The following EPB41L4A variants were observed in gnomAD, a reference collection of about 807,000 sequenced individuals.
EPB41L4A encodes band 4.1-like protein 4A.
In EPB41L4A, 100 loss-of-function variants were observed where a neutral mutation model predicts 108.6. The observed-to-expected ratio is 0.92, with a 90% CI of 0.78 to 1.09. The LOEUF (loss-of-function observed/expected upper bound fraction) is 1.09. Ranked by LOEUF, EPB41L4A falls within the 50% of genes least tolerant of loss-of-function variation. The pLI is 0.00. For synonymous variants in EPB41L4A, 319 were observed against 289.0 expected (o/e 1.10, Z -1.05); for missense variants, 1,030 against 842.7 (o/e 1.22, Z -2.75).
chr5:112,174,967 A>G (rs1441413594), intron 18 of EPB41L4A, among the ~76,000 whole-genome samples: 1 of 152,124 alleles, frequency 6.6e-6, no homozygotes, highest in Non-Finnish European at 1.5e-5. Flanking sequence ...CCTCCAAATC[A>G]AAGAAGCCTT....
At chr5:112,245,998 T>TTA (rs1252378507) in intron 9 of EPB41L4A, among the ~76,000 whole-genome samples, 7 of 152,072 alleles carry the variant, frequency 4.6e-5, no homozygotes, top group Admixed American at 1.3e-4. Context: ...GGGATAGGGA[T>TTA]TATACAATTA....
At chr5:112,397,585 T>C (rs1408074663) in intron 1 of EPB41L4A, among the ~76,000 whole-genome samples, 1 of 152,086 alleles carries the variant, frequency 6.6e-6, no homozygotes, top group Non-Finnish European at 1.5e-5. Context: ...ACATAACCCA[T>C]ACACATGAAA....
At chr5:112,186,130 C>G (rs1365313717) in intron 17 of EPB41L4A, among the ~76,000 whole-genome samples, 1 of 152,202 alleles carries the variant, frequency 6.6e-6, no homozygotes, top group Non-Finnish European at 1.5e-5. Flanking sequence ...TAGGATGCAG[C>G]TTTCATTCTG....
rs1753525299 is a variant in EPB41L4A at position 112,289,695 on chromosome 5, C to T, written c.205-9372G>A. The stretch of plus-strand genomic sequence containing the variant: ...CCCCAGTTGAAGCCCCAGCCAATGC[C>T]AACATCAACCAGCACACACATGACT... On this transcript the variant is annotated intron_variant, in intron 2 of 22. Transcript: ENST00000261486. Among the ~76,000 whole-genome samples, 3 of 152,168 alleles carry T rather than the reference C, an allele frequency of 2.0e-5. No individual in the cohort carries two copies. In the South Asian group the frequency reaches 6.2e-4, roughly 32 times the overall value.
At chr5:112,363,754 TAC>T (rs1758935818) in intron 1 of EPB41L4A, 1 of 152,166 alleles carries the variant, frequency 6.6e-6, no homozygotes, top group African/African-American at 2.4e-5. Context: ...ATATTAAGTT[TAC>T]AGTTTAAGAT....
At chr5:112,326,521 T>C (rs983278782) in intron 1 of EPB41L4A, among the ~76,000 whole-genome samples, 5 of 152,196 alleles carry the variant, frequency 3.3e-5, no homozygotes, top group East Asian at 1.9e-4. Flanking sequence ...AAAGGAAAGA[T>C]TGCTATTAGA....
chr5:112,250,011 AG>A (rs1750541878), intron 9 of EPB41L4A, among the ~76,000 whole-genome samples: 1 of 133,940 alleles, frequency 7.5e-6, no homozygotes, highest in Non-Finnish European at 1.7e-5. Flanking sequence ...CTCTACATAT[AG>A]ATACACACAC....
chr5:112,194,821 T>C (rs1646295530), intron 16 of EPB41L4A, among the ~76,000 whole-genome samples, 176 bp from the exon 17 acceptor site: 1 of 152,198 alleles, frequency 6.6e-6, no homozygotes, highest in African/African-American at 2.4e-5. Flanking sequence ...GTAAGACATC[T>C]GACTGAGTCT....
chr5:112,150,688 C>T (rs998303718), intron 12 of EPB41L4A, among the ~76,000 whole-genome samples: 3 of 152,134 alleles, frequency 2.0e-5, no homozygotes, highest in Non-Finnish European at 2.9e-5. Context: ...GAAGAAAAGA[C>T]AGATTATTTG....
At chr5:112,389,524 G>A (rs990246667) in intron 1 of EPB41L4A, among the ~76,000 whole-genome samples, 1 of 152,184 alleles carries the variant, frequency 6.6e-6, no homozygotes, top group Non-Finnish European at 1.5e-5. Flanking sequence ...AAGTTCCTCT[G>A]TTTTAATCCT....
At chr5:112,356,928 A>G (rs1026866677) in intron 1 of EPB41L4A, among the ~76,000 whole-genome samples, 3 of 152,200 alleles carry the variant, frequency 2.0e-5, no homozygotes, top group African/African-American at 7.2e-5. Flanking sequence ...AATAGACACA[A>G]TATTTCACAG....
chr5:112,163,980 T>C lies in EPB41L4A; in HGVS notation c.*1010A>G, dbSNP rs1164923146. On this transcript the variant is annotated 3_prime_UTR_variant, in exon 23 of 23. Coordinates refer to ENST00000261486, the MANE Select transcript of EPB41L4A (RefSeq NM_022140.5). ...CGTGGTAAGGGGGAGATATAAGATG[T>C]CCTGCATAAGTATTTTCCCTGTAGA... 6.6e-6 allele frequency: 1 copy of C among 152,184 alleles called. No homozygotes were observed. The highest frequency in any genetic ancestry group is 6.5e-5 in the Admixed American group (1 of 15,272). 9.4% of individuals were successfully genotyped at this position (152,184 alleles called of 1,614,324 possible).
chr5:112,207,325 A>G (rs867069085), intron 13 of EPB41L4A, among the ~76,000 whole-genome samples: 1 of 152,240 alleles, frequency 6.6e-6, no homozygotes, highest in South Asian at 2.1e-4. Flanking sequence ...ATGAAAATAC[A>G]TCTTAGAAGA....
chr5:112,234,551 T>C (rs759216608), intron 12 of EPB41L4A, 83 bp downstream of exon 12: 89 of 1,317,352 alleles, frequency 6.8e-5, no homozygotes, highest in Middle Eastern at 3.9e-4. Context: ...TGTAGAGTTA[T>C]AGACATCACC....
At chr5:112,410,087 G>A (rs1285129015) in intron 1 of EPB41L4A, among the ~76,000 whole-genome samples, 2 of 152,174 alleles carry the variant, frequency 1.3e-5, no homozygotes, top group Non-Finnish European at 2.9e-5. Context: ...GTGAAACCTA[G>A]GCAGAACTCT....
intron 1 of EPB41L4A, among the ~76,000 whole-genome samples, chr5:112,402,337 C>CT (rs549184679): frequency 9.0e-4 from 131 of 146,022 alleles, no homozygotes; most frequent in Middle Eastern, 7.2e-3. Flanking sequence ...CCAATTAAAC[C>CT]TTTTTTTTTT....
At chr5:112,223,377 T>TA (rs1382724925) in intron 12 of EPB41L4A, among the ~76,000 whole-genome samples, 2 of 151,846 alleles carry the variant, frequency 1.3e-5, no homozygotes, top group Admixed American at 6.6e-5. Context: ...ACAGAGCCAA[T>TA]AAAAAAATCA....
chr5:112,143,809 G>A (rs182004060), exon 14 of EPB41L4A: 1 of 449,612 alleles, frequency 2.2e-6, no homozygotes, highest in Non-Finnish European at 4.5e-6. Context: ...CAGCAGCCAA[G>A]GAGGTGGGGC....
At chr5:112,205,632 C>T (rs1431024030) in intron 13 of EPB41L4A, 128 bp from the exon 14 acceptor site, 2 of 712,754 alleles carry the variant, frequency 2.8e-6, no homozygotes, top group Non-Finnish European at 4.6e-6. Flanking sequence ...TTGTTTATAC[C>T]TGTGACTCTA....
Sources: allele counts gnomAD v4.1 joint callset (sites outside exome capture counted in the v4.1 genomes callset), GRCh38; gene constraint gnomAD v4.1.1; transcripts MANE v1.5; gene names NCBI Gene and HGNC (gene_info 2026-07-23, HGNC 2026-07-21).